Variants in ADGRL3 observed in about 807,000 individuals in gnomAD.
ADGRL3 encodes the protein adhesion G protein-coupled receptor L3.
Under a neutral mutation model 153.5 loss-of-function variants are expected in ADGRL3, and 62 were observed. The ratio of observed to expected loss-of-function variants is 0.40; its 90% CI spans 0.33 to 0.50. ADGRL3 has a LOEUF of 0.50. ADGRL3 is among the 20% of genes least tolerant of loss of function. The pLI, the probability that ADGRL3 is intolerant of heterozygous loss-of-function variation, is 0.47. For synonymous variants in ADGRL3, 710 were observed against 672.5 expected, an observed-to-expected ratio of 1.06 and a Z score of -0.86; for missense variants, 1,641 against 1,859.4, an observed-to-expected ratio of 0.88 and a Z score of 2.16.
chr4:61,747,048 T>TA (rs1365078396), intron 8 of ADGRL3, among the ~76,000 whole-genome samples: 1 of 152,152 alleles, frequency 6.6e-6, no homozygotes, highest in East Asian at 1.9e-4. Context: ...CTCACAGAAA[T>TA]ACAAACTACC....
At chr4:61,302,209 A>G (rs1234721712) in intron 1 of ADGRL3, among the ~76,000 whole-genome samples, 1 of 152,106 alleles carries the variant, frequency 6.6e-6, no homozygotes, top group Non-Finnish European at 1.5e-5. Context: ...CTTTGATTTT[A>G]TTGAAAGGGT....
rs1348666566 is a variant in ADGRL3 at position 62,075,128 on chromosome 4, C to CAATT, written c.*4222_*4225dup. The stretch of plus-strand genomic sequence containing the variant: ...ATATCATCCCCTAATAATGAAAAAA[C>CAATT]AATTAGTTTTTAGAAGTTGTCTATC... On this transcript the variant is annotated 3_prime_UTR_variant, in exon 27 of 27. Transcript: ENST00000683033. 1.3e-5 allele frequency: 2 copies of CAATT among 152,052 alleles called. No homozygotes were observed. Among genetic ancestry groups the CAATT allele is most frequent in the African/African-American group, 4.8e-5 (2 of 41,404 alleles). The allele number at this position is 152,052 out of a possible 1,614,324, so 9.4% of individuals were successfully genotyped here.
At chr4:61,972,365 T>C (rs1318299642) in intron 17 of ADGRL3, among the ~76,000 whole-genome samples, 1 of 152,198 alleles carries the variant, frequency 6.6e-6, no homozygotes, top group Non-Finnish European at 1.5e-5. Context: ...CAGTTTCAGC[T>C]TTCTACATAT....
At chr4:61,662,707 C>T (rs983783870) in intron 5 of ADGRL3, among the ~76,000 whole-genome samples, 1 of 152,228 alleles carries the variant, frequency 6.6e-6, no homozygotes, top group African/African-American at 2.4e-5. Context: ...AGGCCAAGGA[C>T]AGCCTGAGGT....
intron 1 of ADGRL3, among the ~76,000 whole-genome samples, chr4:61,256,416 A>G (rs888957582): frequency 2.0e-5 from 3 of 152,206 alleles, no homozygotes; most frequent in African/African-American, 7.2e-5. Context: ...CTTTCTGCAA[A>G]GCTGGCTAGA....
intron 12 of ADGRL3, 51 bp from the exon 13 acceptor site, chr4:61,912,668 C>T: frequency 6.5e-7 from 1 of 1,530,606 alleles, no homozygotes; most frequent in Non-Finnish European, 9.0e-7. Flanking sequence ...TCTTCTGTCA[C>T]TAACTTGTTT....
intron 2 of ADGRL3, among the ~76,000 whole-genome samples, chr4:61,493,219 A>G (rs1369162720): frequency 6.6e-6 from 1 of 152,162 alleles, no homozygotes; most frequent in African/African-American, 2.4e-5. Flanking sequence ...AGTTGTGAGT[A>G]AGAGAGAGGC....
At chr4:62,070,041 C>T in intron 26 of ADGRL3, 68 bp from the exon 27 acceptor site, 1 of 1,284,158 alleles carries the variant, frequency 7.8e-7, no homozygotes, top group South Asian at 1.4e-5. Context: ...GTTTTTGCTT[C>T]TGTGTTTGTG....
chr4:61,987,229 G>A (rs950563923), intron 19 of ADGRL3, among the ~76,000 whole-genome samples: 31 of 151,014 alleles, frequency 2.1e-4, no homozygotes, highest in African/African-American at 7.6e-4. Context: ...GCAATGGCAC[G>A]ATCTTGGCTC....
At chr4:61,671,936 G>C (rs973285438) in intron 5 of ADGRL3, among the ~76,000 whole-genome samples, 2 of 152,068 alleles carry the variant, frequency 1.3e-5, no homozygotes, top group African/African-American at 4.8e-5. Context: ...GTAAAATTGA[G>C]GGTAGCATTA....
At chr4:61,762,349 G>A (rs908757107) in intron 8 of ADGRL3, among the ~76,000 whole-genome samples, 3 of 152,046 alleles carry the variant, frequency 2.0e-5, no homozygotes, top group African/African-American at 7.2e-5. Flanking sequence ...ATGTAATTCA[G>A]TATCTCAAAT....
chr4:61,288,231 T>C (rs765400162), intron 1 of ADGRL3, among the ~76,000 whole-genome samples: 76 of 152,004 alleles, frequency 5.0e-4, no homozygotes, highest in Admixed American at 5.3e-4. Flanking sequence ...ACTAAATAGA[T>C]ACTTCTGGCT....
chr4:61,782,069 A>T (rs953960320), intron 8 of ADGRL3, among the ~76,000 whole-genome samples: 25 of 152,224 alleles, frequency 1.6e-4, no homozygotes, highest in Non-Finnish European at 2.9e-5. Context: ...TTTTATGATT[A>T]AAATAGGCTG....
intron 1 of ADGRL3, among the ~76,000 whole-genome samples, chr4:61,371,365 G>A (rs1194376119): frequency 6.6e-6 from 1 of 151,736 alleles, no homozygotes; most frequent in Non-Finnish European, 1.5e-5. Flanking sequence ...GCAGCGGCTG[G>A]TACCGGTTGT....
intron 1 of ADGRL3, among the ~76,000 whole-genome samples, chr4:61,371,646 C>A (rs2096531200): frequency 1.3e-5 from 2 of 152,142 alleles, no homozygotes; most frequent in South Asian, 4.1e-4. Flanking sequence ...CGACCTTTCT[C>A]TCTGGCTACC....
chr4:61,250,139 G>C (rs1029571936), intron 1 of ADGRL3, among the ~76,000 whole-genome samples: 3 of 152,084 alleles, frequency 2.0e-5, no homozygotes, highest in Non-Finnish European at 4.4e-5. Flanking sequence ...TAAGAATTGA[G>C]GATCAGTCAC....
chr4:61,216,311 A>G (rs1452741441), intron 1 of ADGRL3, among the ~76,000 whole-genome samples: 3 of 152,140 alleles, frequency 2.0e-5, no homozygotes, highest in Non-Finnish European at 4.4e-5. Context: ...TAAGGATAGT[A>G]ATACGTTTTG....
At chr4:61,985,307 G>A (rs1417797762) in intron 19 of ADGRL3, among the ~76,000 whole-genome samples, 1 of 151,612 alleles carries the variant, frequency 6.6e-6, no homozygotes, top group East Asian at 1.9e-4. Flanking sequence ...AGGTGAGTGT[G>A]AAGAAAAGGA....
At chr4:61,877,321 A>G (rs1220227143) in intron 9 of ADGRL3, among the ~76,000 whole-genome samples, 1 of 152,196 alleles carries the variant, frequency 6.6e-6, no homozygotes, top group East Asian at 1.9e-4. Context: ...TTTCATTTAT[A>G]TAACATCCCT....
Sources: allele counts gnomAD v4.1 joint callset (sites outside exome capture counted in the v4.1 genomes callset), GRCh38; gene constraint gnomAD v4.1.1; transcripts MANE v1.5; gene names NCBI Gene and HGNC (gene_info 2026-07-23, HGNC 2026-07-21).